ANKFN1: variants seen among roughly 807,000 people sequenced by gnomAD.
ANKFN1 encodes the protein ankyrin repeat and fibronectin type-III domain-containing protein 1.
Under a neutral mutation model 108.7 loss-of-function variants are expected in ANKFN1, and 74 were observed. The observed-to-expected ratio is 0.68, with a 90% CI of 0.56 to 0.83. ANKFN1 has a LOEUF of 0.83. ANKFN1 is among the 40% of genes least tolerant of loss of function. The pLI is 0.00. For missense variants in ANKFN1, 1,505 were observed against 1,382.3 expected (o/e 1.09, Z -1.41); for synonymous variants, 547 against 516.2 (o/e 1.06, Z -0.81).
intron 13 of ANKFN1, among the ~76,000 whole-genome samples, 172 bp downstream of exon 13, chr17:56,457,561 A>G (rs2145238097): frequency 6.6e-6 from 1 of 152,354 alleles, no homozygotes; most frequent in Non-Finnish European, 1.5e-5. Context: ...AAAAAGCACC[A>G]AAGTAACGTG....
At chr17:56,068,210 G>C (rs1025408205) in intron 4 of ANKFN1, among the ~76,000 whole-genome samples, 3 of 152,064 alleles carry the variant, frequency 2.0e-5, no homozygotes, top group African/African-American at 7.2e-5. Flanking sequence ...AGCATCCCTT[G>C]ACCCCAGTAT....
intron 8 of ANKFN1, among the ~76,000 whole-genome samples, chr17:56,431,407 C>T (rs1237588349): frequency 6.6e-6 from 1 of 152,144 alleles, no homozygotes; most frequent in Non-Finnish European, 1.5e-5. Context: ...AGGGTAAATG[C>T]AGGGAATAAT....
intron 3 of ANKFN1, among the ~76,000 whole-genome samples, chr17:56,249,979 A>T (rs1313987593): frequency 6.6e-6 from 1 of 152,152 alleles, no homozygotes; most frequent in Non-Finnish European, 1.5e-5. Context: ...GAATGGTGTT[A>T]CTGTACACAT....
chr17:56,130,895 G>A (rs796739899), intron 4 of ANKFN1, among the ~76,000 whole-genome samples: 13 of 152,076 alleles, frequency 8.5e-5, no homozygotes, highest in Admixed American at 5.9e-4. Context: ...AATTGGGTGA[G>A]GCTGGCTGAT....
At chr17:56,465,138 A>G (rs1049902459) in intron 14 of ANKFN1, among the ~76,000 whole-genome samples, 4 of 152,018 alleles carry the variant, frequency 2.6e-5, no homozygotes, top group Admixed American at 6.6e-5. Context: ...TACCAGCATC[A>G]CACTGCTTAT....
At chr17:56,386,019 C>A (rs201886700) in intron 8 of ANKFN1, among the ~76,000 whole-genome samples, 1 of 147,494 alleles carries the variant, frequency 6.8e-6, no homozygotes, top group South Asian at 2.2e-4. Flanking sequence ...GACACATGCA[C>A]GCGTATGTTT....
intron 3 of ANKFN1, among the ~76,000 whole-genome samples, chr17:56,289,496 G>A (rs1262264278): frequency 3.9e-5 from 6 of 152,180 alleles, no homozygotes; most frequent in Non-Finnish European, 8.8e-5. Context: ...CACGTCAGCA[G>A]GAAGCTAGCC....
Position 56,449,189 on chromosome 17 carries a change from A to G in ANKFN1, c.1207+3A>G, listed in dbSNP as rs772784151. 44 of 1,612,246 alleles carry G rather than the reference A, an allele frequency of 2.7e-5. No individual in the cohort carries two copies. Among genetic ancestry groups the G allele is most frequent in the Non-Finnish European group, 3.7e-5 (44 of 1,178,888 alleles). ...TCATCAGCATTACAGTTGCCGGGGTAAGGATAAAAATCTGTGCTGGGCCAT... is the reference window on the plus strand; with the variant it reads ...TCATCAGCATTACAGTTGCCGGGGTGAGGATAAAAATCTGTGCTGGGCCAT... On this transcript the variant is annotated splice_donor_region_variant and intron_variant, in intron 11 of 20. Coordinates refer to ENST00000682825, the MANE Select transcript of ANKFN1 (RefSeq NM_001370326.1).
At chr17:56,197,439 C>T (rs1222988715) in intron 1 of ANKFN1, among the ~76,000 whole-genome samples, 1 of 152,192 alleles carries the variant, frequency 6.6e-6, no homozygotes, top group Non-Finnish European at 1.5e-5. Flanking sequence ...TTACTAAAAA[C>T]TACCCTTTTA....
At chr17:56,058,245 A>G (rs144842635) in intron 4 of ANKFN1, among the ~76,000 whole-genome samples, 2 of 152,294 alleles carry the variant, frequency 1.3e-5, no homozygotes, top group East Asian at 3.9e-4. Context: ...CTAACTATGA[A>G]AGTCCTAGAT....
intron 4 of ANKFN1, among the ~76,000 whole-genome samples, chr17:56,104,294 T>C (rs1044171675): frequency 2.0e-5 from 3 of 152,242 alleles, no homozygotes; most frequent in Admixed American, 6.5e-5. Flanking sequence ...TTTTCTAGTC[T>C]ATTTCATTTT....
At chr17:56,133,111 G>C (rs1274495229) in intron 4 of ANKFN1, among the ~76,000 whole-genome samples, 1 of 152,272 alleles carries the variant, frequency 6.6e-6, no homozygotes, top group African/African-American at 2.4e-5. Flanking sequence ...ACCCAGGAAA[G>C]TCAACTCTCT....
chr17:56,140,204 A>G (rs1051911143), intron 4 of ANKFN1, among the ~76,000 whole-genome samples: 1 of 152,228 alleles, frequency 6.6e-6, no homozygotes, highest in Non-Finnish European at 1.5e-5. Flanking sequence ...AAAACTTGAG[A>G]GAAGGCACTG....
chr17:56,328,940 C>T (rs1426345285), intron 4 of ANKFN1, among the ~76,000 whole-genome samples: 1 of 152,120 alleles, frequency 6.6e-6, no homozygotes, highest in African/African-American at 2.4e-5. Flanking sequence ...CAGCCCACCC[C>T]ATCCCCATTG....
chr17:56,193,686 A>T (rs1466261121), intron 1 of ANKFN1, among the ~76,000 whole-genome samples: 1 of 152,214 alleles, frequency 6.6e-6, no homozygotes, highest in Admixed American at 6.5e-5. Flanking sequence ...CAGAAGATGC[A>T]TAGGCAAAAA....
At chr17:56,274,709 T>C (rs1397827842) in intron 3 of ANKFN1, among the ~76,000 whole-genome samples, 1 of 152,124 alleles carries the variant, frequency 6.6e-6, no homozygotes, top group East Asian at 1.9e-4. Context: ...CTAGTCCCTT[T>C]GGGGCTGGCA....
Position 56,094,683 on chromosome 17 carries a change from T to TG in ANKFN1, c.288+48358_288+48359insG, listed in dbSNP as rs1567785667. Among the ~76,000 whole-genome samples the TG allele has an allele frequency of 1.2e-3, 107 of 87,126 alleles. 2 individuals are homozygous for TG. Among genetic ancestry groups the TG allele is most frequent in the African/African-American group, 3.0e-3 (88 of 29,322 alleles). The allele number at this position is 87,126 out of a possible 152,430, so 57.2% of individuals were successfully genotyped here. A position where few individuals can be genotyped will look rare whatever the true frequency, so the allele number is the denominator to read the frequency against. On this transcript the variant is annotated intron_variant, in intron 4 of 12. Coordinates refer to the ANKFN1 transcript ENST00000635860. ...CACGCCCAGCTAATTGGGTTTTTTT[T>TG]TTTTTTTTTTGTATTTTTAGTAGAG...
intron 4 of ANKFN1, among the ~76,000 whole-genome samples, chr17:56,143,123 TG>T (rs1567802280): frequency 6.6e-6 from 1 of 151,680 alleles, no homozygotes; most frequent in African/African-American, 2.4e-5. Context: ...GGGGTGGGGT[TG>T]GGGGGTAGTT....
intron 4 of ANKFN1, among the ~76,000 whole-genome samples, chr17:56,084,182 A>G (rs2143173496): frequency 6.6e-6 from 1 of 151,352 alleles, no homozygotes; most frequent in African/African-American, 2.4e-5. Flanking sequence ...CTCTAGAGAC[A>G]TATTTTGGTT....
Sources: allele counts gnomAD v4.1 joint callset (sites outside exome capture counted in the v4.1 genomes callset), GRCh38; gene constraint gnomAD v4.1.1; transcripts MANE v1.5; gene names NCBI Gene and HGNC (gene_info 2026-07-23, HGNC 2026-07-21).